The following LRP2 variants were observed in gnomAD, a reference collection of about 807,000 sequenced individuals.
LRP2 encodes the protein LDL receptor related protein 2, also known as low-density lipoprotein receptor-related protein 2.
Under a neutral mutation model 531.0 loss-of-function variants are expected in LRP2, and 172 were observed. That is an observed-to-expected ratio of 0.32 (90% CI 0.29 to 0.37). LRP2 has a LOEUF of 0.37. Among genes scored for constraint, LRP2 ranks in the 10% least tolerant of loss-of-function variants. The pLI is 1.00. For synonymous variants in LRP2, 1,992 were observed against 2,027.6 expected, an observed-to-expected ratio of 0.98 and a Z score of 0.47; for missense variants, 5,167 against 5,868.3, an observed-to-expected ratio of 0.88 and a Z score of 3.90.
intron 48 of LRP2, 70 bp downstream of exon 48, chr2:169,191,762 G>C: frequency 7.3e-7 from 1 of 1,364,788 alleles, no homozygotes; most frequent in Non-Finnish European, 1.0e-6. Flanking sequence ...CGGGGTGCCT[G>C]ATAGGTAAGT....
At chr2:169,216,115 T>C in intron 35 of LRP2, 138 bp downstream of exon 35, 1 of 883,962 alleles carries the variant, frequency 1.1e-6, no homozygotes, top group Non-Finnish European at 1.8e-6. Flanking sequence ...GAGAAGTTAT[T>C]GGGAGAAGGG....
chr2:169,294,200 A>G lies in LRP2; in HGVS notation c.600T>C (p.Tyr200=). ...GGCAATCATTGTCATGGTCACAGAC[A>G]TAAGCACGAGGGATACACTCTCCAT... ...CGNGECIPRA[Y]VCDHDNDCQD... The change falls in exon 6 of 79, where the codon TAT becomes TAC. Residue 200 remains tyrosine, a synonymous_variant. Transcript: ENST00000649046. 6.2e-7 allele frequency: 1 copy of G among 1,614,088 alleles called. No individual in the cohort carries two copies. Among genetic ancestry groups the G allele is most frequent in the Non-Finnish European group, 8.5e-7 (1 of 1,179,938 alleles).
intron 31 of LRP2, 105 bp from the exon 32 acceptor site, chr2:169,226,693 A>G: frequency 2.6e-6 from 2 of 783,512 alleles, no homozygotes; most frequent in Admixed American, 3.9e-5. Context: ...CTAAAATGAC[A>G]TTGCAGCATT....
At position 169,140,543 on chromosome 2, in the gene LRP2, TG is replaced by T; in HGVS notation, c.13110del (p.Ile4371SerfsTer55). On this transcript the variant is annotated frameshift_variant and splice_region_variant, in exon 72 of 79. Coordinates refer to ENST00000649046, the MANE Select transcript of LRP2 (RefSeq NM_004525.3). LOFTEE classifies it high-confidence loss of function. ...GGGGGCAGGTTGATAGGCAGTTCGA[TG>T]GCTGCAGGAAGGGAAAGCCATGCAG... ...IEGSTTECDA[A>X]IELPINLPPP... 1 of 1,612,062 alleles carries T rather than the reference TG, an allele frequency of 6.2e-7. No individual in the cohort carries two copies.
At chr2:169,174,290 T>G (rs1390207211) in intron 55 of LRP2, 126 bp from the exon 56 acceptor site, 1 of 1,165,512 alleles carries the variant, frequency 8.6e-7, no homozygotes, top group Non-Finnish European at 1.2e-6. Flanking sequence ...CCTAATGTAC[T>G]TATCAGTCAG....
chr2:169,142,576 C>G, intron 71 of LRP2, 98 bp downstream of exon 71: 1 of 1,560,230 alleles, frequency 6.4e-7, no homozygotes, highest in East Asian at 2.3e-5. Context: ...CATCCCCACT[C>G]TGCTGCAAAG....
chr2:169,137,322 A>G, intron 76 of LRP2, 70 bp downstream of exon 76: 5 of 1,139,318 alleles, frequency 4.4e-6, no homozygotes, highest in Non-Finnish European at 6.7e-6. Context: ...GGAAAATCCT[A>G]AGACATGACT....
rs78502982 is a variant in LRP2 at position 169,290,373 on chromosome 2, T to C, written c.922+472A>G. ...CAGAACATCTTTAAGGTCATCAAAATTGCCATTGAAACAATCCTCCCTGTG... is the reference window on the plus strand; with the variant it reads ...CAGAACATCTTTAAGGTCATCAAAACTGCCATTGAAACAATCCTCCCTGTG... On this transcript the variant is annotated intron_variant, in intron 8 of 78. Coordinates refer to ENST00000649046, the MANE Select transcript of LRP2 (RefSeq NM_004525.3). Among the ~76,000 whole-genome samples the C allele has an allele frequency of 4.2e-3, 594 of 142,178 alleles. 3 individuals carry two copies. The highest frequency in any genetic ancestry group is 0.015 in the African/African-American group (563 of 38,638). The allele number at this position is 142,178 out of a possible 152,430, so 93.3% of individuals were successfully genotyped here.
rs1184513457 is a variant in LRP2, at chr2:169,168,582, A to G, written c.11592T>C (p.Asp3864=). ...CATCTGAACCATCGCCACAGTCATC[A>G]TCGCCATCACATTTCCAATATGGCG... The part of the protein sequence containing the change: ...CIPPYWKCDG[D]DDCGDGSDEE... The change falls in exon 61 of 79, where the codon GAT becomes GAC. Residue 3864 remains aspartate, a synonymous_variant. Transcript: ENST00000649046. 2 of 1,614,042 alleles carry G rather than the reference A, an allele frequency of 1.2e-6. No individual in the cohort carries two copies. Among genetic ancestry groups the G allele is most frequent in the Admixed American group, 3.3e-5 (2 of 59,994 alleles).
At chr2:169,155,459 T>C (rs999766345) in intron 65 of LRP2, among the ~76,000 whole-genome samples, 1 of 152,200 alleles carries the variant, frequency 6.6e-6, no homozygotes, top group Non-Finnish European at 1.5e-5. Context: ...GCTAGTCAAA[T>C]GTATGCTTTA....
intron 26 of LRP2, 80 bp from the exon 27 acceptor site, chr2:169,238,382 A>G: frequency 7.0e-6 from 7 of 1,006,696 alleles, no homozygotes; most frequent in Non-Finnish European, 1.1e-5. Context: ...TTGATTCAAT[A>G]CTTTTGGTAA....
At chr2:169,361,739 C>T (rs75155824) in intron 1 of LRP2, among the ~76,000 whole-genome samples, 3,480 of 152,280 alleles carry the variant, frequency 0.023, 55 homozygotes, top group East Asian at 0.064. Context: ...AGTCCCTCAG[C>T]CACTCTCTCG....
rs533487606 is a variant in LRP2 at position 169,235,070 on chromosome 2, C to T, written c.4920+770G>A. Among the ~76,000 whole-genome samples the T allele has an allele frequency of 4.0e-5, 6 of 151,760 alleles. No homozygotes were observed. In the East Asian group the frequency reaches 1.2e-3, roughly 29 times the overall value. The stretch of plus-strand genomic sequence containing the variant: ...GGACTATAGGCAAACACCCCCATGC[C>T]CAGCTAATTTTTGTATTTTTTTGTA... On this transcript the variant is annotated intron_variant, in intron 29 of 78. Coordinates refer to ENST00000649046, the MANE Select transcript of LRP2 (RefSeq NM_004525.3).
At position 169,128,557 on chromosome 2, in the gene LRP2, A is replaced by T. The variant is rs2105321683; in HGVS notation, c.*106T>A. On this transcript the variant is annotated 3_prime_UTR_variant, in exon 79 of 79. Transcript: ENST00000649046. ...CTCCAACTATAGGCAAACAGGGAAAAATATATTTTTTTCATAAAGTACTGA... is the reference window on the plus strand; with the variant it reads ...CTCCAACTATAGGCAAACAGGGAAATATATATTTTTTTCATAAAGTACTGA... 1.7e-6 allele frequency: 2 copies of T among 1,175,356 alleles called. No individual in the cohort carries two copies. Among genetic ancestry groups the T allele is most frequent in the South Asian group, 2.5e-5 (2 of 78,572 alleles). The allele number at this position is 1,175,356 out of a possible 1,614,324, so 72.8% of individuals were successfully genotyped here. A position where few individuals can be genotyped will look rare whatever the true frequency, so the allele number is the denominator to read the frequency against.
chr2:169,254,638 T>A (rs1690225062), intron 19 of LRP2, among the ~76,000 whole-genome samples: 2 of 23,172 alleles, frequency 8.6e-5, no homozygotes, highest in Non-Finnish European at 1.7e-4. Flanking sequence ...AAACTTAGAG[T>A]ATAATAAAAA....
intron 1 of LRP2, among the ~76,000 whole-genome samples, chr2:169,325,333 A>G (rs1366703775): frequency 1.3e-5 from 2 of 152,264 alleles, no homozygotes; most frequent in Non-Finnish European, 1.5e-5. Flanking sequence ...AAAAATTTGT[A>G]TGAGTAAATC....
chr2:169,293,675 C>CAA (rs113991756), intron 6 of LRP2, among the ~76,000 whole-genome samples: 7 of 151,734 alleles, frequency 4.6e-5, no homozygotes, highest in South Asian at 4.2e-4. Context: ...ACTCCATCTC[C>CAA]AAAAAAAGAA....
intron 70 of LRP2, among the ~76,000 whole-genome samples, chr2:169,145,438 G>C (rs1022760044): frequency 1.3e-5 from 2 of 152,186 alleles, no homozygotes; most frequent in African/African-American, 4.8e-5. Flanking sequence ...TTTAGCAGGG[G>C]ACTGATGTCT....
intron 4 of LRP2, among the ~76,000 whole-genome samples, chr2:169,304,402 TAA>T (rs1684361122): frequency 6.6e-6 from 1 of 152,194 alleles, no homozygotes; most frequent in Non-Finnish European, 1.5e-5. Flanking sequence ...TGTTTATTCA[TAA>T]GAGATTATAA....
Sources: gnomAD v4.1 joint callset for allele counts (sites outside exome capture counted in the v4.1 genomes callset) on GRCh38, gnomAD v4.1.1 for gene constraint, MANE v1.5 for transcripts, NCBI Gene and HGNC (gene_info 2026-07-23, HGNC 2026-07-21) for gene names.